Variants in CCNB3 observed in about 807,000 individuals in gnomAD.
The protein encoded by CCNB3 is G2/mitotic-specific cyclin-B3.
Under a neutral mutation model 68.0 loss-of-function variants are expected in CCNB3, and 12 were observed. That is an observed-to-expected ratio of 0.18 (90% CI 0.11 to 0.29). The LOEUF (loss-of-function observed/expected upper bound fraction) is 0.29. Among genes scored for constraint, CCNB3 ranks in the 10% least tolerant of loss-of-function variants. The pLI is 1.00. For synonymous variants in CCNB3, 354 were observed against 388.9 expected (o/e 0.91, Z 1.06); for missense variants, 904 against 993.1 (o/e 0.91, Z 1.21).
intron 8 of CCNB3, among the ~76,000 whole-genome samples, chrX:50,314,220 G>T (rs1347646249): frequency 8.9e-6 from 1 of 112,247 alleles, no homozygotes; most frequent in Admixed American, 9.5e-5. Flanking sequence ...AAAAGGCAGT[G>T]ACGGTATGGT....
intron 8 of CCNB3, among the ~76,000 whole-genome samples, chrX:50,332,514 A>G (rs2060329908): frequency 8.9e-6 from 1 of 111,768 alleles, no homozygotes; most frequent in African/African-American, 3.3e-5. Context: ...AATGAGTCCC[A>G]CGATGATCCT....
At chrX:50,287,347 G>A (rs1380985918) in intron 3 of CCNB3, among the ~76,000 whole-genome samples, 9 of 110,327 alleles carry the variant, frequency 8.2e-5, no homozygotes, top group African/African-American at 3.0e-4. Context: ...TCCCTTCCCC[G>A]GCCCCTCCTT....
chrX:50,309,621 C>G lies in CCNB3; in HGVS notation c.1452C>G (p.Pro484=). The G allele has an allele frequency of 8.3e-7, 1 of 1,211,057 alleles. No homozygotes were observed. The highest frequency in any genetic ancestry group is 1.1e-6 in the Non-Finnish European group (1 of 895,283). ...TKKCTIEEAP[P]TKKPLILKRK... is the part of the protein sequence containing the mutation. ...AGTGTACCATTGAGGAGGCACCCCCCACCAAGAAGCCTTTAATTTTAAAGA... is the reference window on the plus strand; with the variant it reads ...AGTGTACCATTGAGGAGGCACCCCCGACCAAGAAGCCTTTAATTTTAAAGA... The change falls in exon 6 of 13, where the codon CCC becomes CCG. Residue 484 remains proline, a synonymous_variant. Transcript: ENST00000376042.
intron 1 of CCNB3, among the ~76,000 whole-genome samples, chrX:50,222,595 C>G (rs1935689381): frequency 9.0e-6 from 1 of 111,332 alleles, no homozygotes; most frequent in African/African-American, 3.3e-5. Context: ...AATATTGGCC[C>G]TCACTCTCTT....
intron 9 of CCNB3, 151 bp from the exon 10 acceptor site, chrX:50,346,501 G>A: frequency 1.8e-6 from 1 of 545,348 alleles, no homozygotes; most frequent in Non-Finnish European, 2.9e-6. Context: ...TTTCTGATGA[G>A]CCACTCACAT....
intron 8 of CCNB3, among the ~76,000 whole-genome samples, chrX:50,340,614 C>A (rs1923074369): frequency 8.9e-6 from 1 of 112,358 alleles, no homozygotes; most frequent in African/African-American, 3.2e-5. Context: ...CTGCTGTGCC[C>A]TGAGGCAGGA....
intron 8 of CCNB3, among the ~76,000 whole-genome samples, chrX:50,338,301 T>C (rs1162173444): frequency 8.9e-6 from 1 of 111,929 alleles, no homozygotes; most frequent in African/African-American, 3.2e-5. Flanking sequence ...AGACACCGAG[T>C]TGTGGAAGGA....
chrX:50,225,991 G>GTATA (rs1286519060), intron 1 of CCNB3, among the ~76,000 whole-genome samples: 2 of 76,757 alleles, frequency 2.6e-5, no homozygotes, highest in African/African-American at 9.7e-5. Flanking sequence ...TATATAGAAT[G>GTATA]TATATATAAA....
intron 1 of CCNB3, among the ~76,000 whole-genome samples, chrX:50,211,726 C>A (rs1181500066): frequency 1.8e-5 from 2 of 111,266 alleles, no homozygotes; most frequent in Non-Finnish European, 3.8e-5. Context: ...TAGGAGATCG[C>A]AGCTGTTGGA....
chrX:50,297,315 A>C (rs1420885211), intron 5 of CCNB3, among the ~76,000 whole-genome samples: 1 of 111,721 alleles, frequency 9.0e-6, no homozygotes, highest in African/African-American at 3.3e-5. Flanking sequence ...TATAAGGTGA[A>C]AGGAAGGGAT....
intron 8 of CCNB3, among the ~76,000 whole-genome samples, chrX:50,315,534 A>G (rs1557215654): frequency 4.5e-5 from 5 of 111,787 alleles, no homozygotes; most frequent in Non-Finnish European, 9.4e-5. Context: ...ACTATAGTAT[A>G]GTGTCATGGT....
chrX:50,316,612 G>C (rs782247121), intron 8 of CCNB3, among the ~76,000 whole-genome samples: 1 of 111,876 alleles, frequency 8.9e-6, no homozygotes, highest in Admixed American at 9.4e-5. Flanking sequence ...TCCGTTTAGA[G>C]TCACACCCAC....
intron 8 of CCNB3, among the ~76,000 whole-genome samples, chrX:50,340,870 A>G (rs782133218): frequency 1.8e-5 from 2 of 111,834 alleles, no homozygotes; most frequent in South Asian, 7.6e-4. Context: ...CTGTACAAAT[A>G]CATGGACATT....
chrX:50,325,256 A>G (rs182045599), intron 8 of CCNB3, among the ~76,000 whole-genome samples: 1 of 111,712 alleles, frequency 9.0e-6, no homozygotes, highest in Admixed American at 9.5e-5. Flanking sequence ...AACTTCCTTG[A>G]CTTATACAAT....
At chrX:50,214,071 A>G (rs1212898881) in intron 1 of CCNB3, among the ~76,000 whole-genome samples, 5 of 111,047 alleles carry the variant, frequency 4.5e-5, no homozygotes, top group Admixed American at 1.9e-4. Flanking sequence ...AACACTTAAC[A>G]TGATATCTAC....
At chrX:50,347,447 C>A (rs1262395618) in intron 10 of CCNB3, among the ~76,000 whole-genome samples, 179 bp from the exon 11 acceptor site, 1 of 109,361 alleles carries the variant, frequency 9.1e-6, no homozygotes, top group Non-Finnish European at 1.9e-5. Context: ...TCAGAATCCC[C>A]CCTAAAGAGT....
chrX:50,282,774 C>T (rs1032186363), intron 1 of CCNB3, among the ~76,000 whole-genome samples: 1 of 111,296 alleles, frequency 9.0e-6, no homozygotes, highest in Non-Finnish European at 1.9e-5. Flanking sequence ...CTTATTTTCT[C>T]TGAGATTTAG....
intron 1 of CCNB3, among the ~76,000 whole-genome samples, chrX:50,280,525 G>A (rs1936119777): frequency 9.2e-6 from 1 of 109,110 alleles, no homozygotes; most frequent in Non-Finnish European, 1.9e-5. Context: ...TAGGTAGCAC[G>A]TTTTGAATTA....
intron 9 of CCNB3, among the ~76,000 whole-genome samples, chrX:50,344,719 G>C (rs17003326): frequency 0.026 from 2,929 of 111,586 alleles, 94 homozygotes; most frequent in African/African-American, 0.091. Context: ...AGAAAATGGC[G>C]TGATGTTGAT....
Sources: allele counts gnomAD v4.1 joint callset (sites outside exome capture counted in the v4.1 genomes callset), GRCh38; gene constraint gnomAD v4.1.1; transcripts MANE v1.5; gene names NCBI Gene and HGNC (gene_info 2026-07-23, HGNC 2026-07-21).